Variants in SETBP1 observed in about 807,000 individuals in gnomAD.
SETBP1 encodes the protein SET binding protein 1.
A neutral mutation model predicts 101.0 loss-of-function variants in SETBP1; 9 were observed. That is an observed-to-expected ratio of 0.09 (90% confidence interval 0.05 to 0.16). The LOEUF is 0.16. Among genes scored for constraint, SETBP1 ranks in the 10% least tolerant of loss-of-function variants. The probability of loss-of-function intolerance (pLI) is 1.00; values close to 1 mark genes in which losing one functional copy is unlikely to be tolerated. For missense variants in SETBP1, 1,858 were observed against 2,033.8 expected (o/e 0.91, Z 1.66); for synonymous variants, 818 against 788.5 (o/e 1.04, Z -0.63).
chr18:45,037,595 G>A (rs143083509), intron 4 of SETBP1, among the ~76,000 whole-genome samples: 10 of 152,150 alleles, frequency 6.6e-5, no homozygotes, highest in East Asian at 1.9e-4. Flanking sequence ...TAACTTACTC[G>A]TCATCACAGA....
intron 4 of SETBP1, among the ~76,000 whole-genome samples, chr18:45,001,971 G>C (rs866450573): frequency 9.9e-5 from 15 of 152,066 alleles, no homozygotes; most frequent in South Asian, 2.1e-4. Flanking sequence ...CATTATCCAA[G>C]GCTCCCCCAC....
chr18:45,031,297 A>C (rs1599471591), intron 4 of SETBP1, among the ~76,000 whole-genome samples: 3 of 152,278 alleles, frequency 2.0e-5, no homozygotes, highest in African/African-American at 7.2e-5. Flanking sequence ...TTTTATTTGC[A>C]ATCTTAATTT....
At chr18:44,942,451 T>C (rs970925991) in intron 3 of SETBP1, among the ~76,000 whole-genome samples, 4 of 152,186 alleles carry the variant, frequency 2.6e-5, no homozygotes, top group Non-Finnish European at 5.9e-5. Flanking sequence ...TTCTCAGGTA[T>C]CCTAACCTGC....
At position 44,705,522 on chromosome 18, in the gene SETBP1, T is replaced by C. The variant is rs146425434; in HGVS notation, c.486+3690T>C. ...GGAGGCTGGGGGGAATTAGGTGTTA[T>C]ATTATGTGCTGCTTTTTGTTGTTGT... On this transcript the variant is annotated intron_variant, in intron 2 of 5. Transcript: ENST00000649279. Among the ~76,000 whole-genome samples the C allele has an allele frequency of 3.6e-3, 552 of 152,316 alleles. 3 individuals carry two copies. The highest frequency in any genetic ancestry group is 0.013 in the African/African-American group (525 of 41,562).
chr18:45,058,797 A>G (rs930722630), intron 5 of SETBP1, among the ~76,000 whole-genome samples: 6 of 152,242 alleles, frequency 3.9e-5, no homozygotes, highest in Admixed American at 2.0e-4. Context: ...TGATGCCATC[A>G]ATGGAGATTG....
intron 2 of SETBP1, among the ~76,000 whole-genome samples, chr18:44,759,225 A>G (rs2070580972): frequency 6.6e-6 from 1 of 152,122 alleles, no homozygotes; most frequent in African/African-American, 2.4e-5. Flanking sequence ...GATTTTACCC[A>G]TAGTGGTCCA....
chr18:44,793,824 G>A lies in SETBP1; in HGVS notation c.487-75406G>A, dbSNP rs866275142. On this transcript the variant is annotated intron_variant, in intron 2 of 5. Coordinates refer to ENST00000649279, the MANE Select transcript of SETBP1 (RefSeq NM_015559.3). Reference sequence around the variant, plus strand: ...ATTAGGAAGATGTTTAGGATTCATGGCATGTCATTCCAGTCTCTCTTTCTC... The same window carrying A: ...ATTAGGAAGATGTTTAGGATTCATGACATGTCATTCCAGTCTCTCTTTCTC... 4.4e-4 allele frequency among the ~76,000 whole-genome samples: 67 copies of A among 152,158 alleles called. 1 individual carries two copies. Among genetic ancestry groups the A allele is most frequent in the African/African-American group, 1.5e-3 (64 of 41,444 alleles).
At position 44,704,024 on chromosome 18, in the gene SETBP1, C is replaced by G. The variant is rs577314503; in HGVS notation, c.486+2192C>G. Among the ~76,000 whole-genome samples, 6 of 152,318 alleles carry G rather than the reference C, an allele frequency of 3.9e-5. No homozygotes were observed. The South Asian group carries it at 8.3e-4, about 21-fold the overall frequency. On this transcript the variant is annotated intron_variant, in intron 2 of 5. Coordinates refer to ENST00000649279, the MANE Select transcript of SETBP1 (RefSeq NM_015559.3). ...ATCACCTTCACTGCCAGGATTTAAG[C>G]AGCAACCCACAGTTTTGGGAGTTCA...
At chr18:44,935,359 G>T (rs1226995873) in intron 3 of SETBP1, among the ~76,000 whole-genome samples, 1 of 152,176 alleles carries the variant, frequency 6.6e-6, no homozygotes, top group African/African-American at 2.4e-5. Flanking sequence ...GAAACATGCG[G>T]TAAAGAGGAA....
chr18:44,708,466 C>G (rs565665126), intron 2 of SETBP1, among the ~76,000 whole-genome samples: 14 of 152,216 alleles, frequency 9.2e-5, no homozygotes, highest in African/African-American at 3.4e-4. Context: ...TTTTAAGTAC[C>G]ACATTTCTAT....
At chr18:44,811,539 A>G (rs1454740868) in intron 2 of SETBP1, among the ~76,000 whole-genome samples, 1 of 152,270 alleles carries the variant, frequency 6.6e-6, no homozygotes, top group Non-Finnish European at 1.5e-5. Flanking sequence ...CTGTGCAGTC[A>G]TATGACTCTG....
intron 5 of SETBP1, among the ~76,000 whole-genome samples, chr18:45,058,945 G>A (rs1041353577): frequency 1.3e-5 from 2 of 152,152 alleles, no homozygotes; most frequent in Non-Finnish European, 2.9e-5. Context: ...TGACCTTCAC[G>A]GGGAACATCT....
chr18:44,960,076 T>C (rs754368680), intron 4 of SETBP1, among the ~76,000 whole-genome samples: 5 of 152,118 alleles, frequency 3.3e-5, no homozygotes, highest in Non-Finnish European at 7.4e-5. Context: ...TTTGTATTTT[T>C]AGTAGAGACA....
chr18:44,802,407 G>A (rs1047006270), intron 2 of SETBP1, among the ~76,000 whole-genome samples: 23 of 152,142 alleles, frequency 1.5e-4, no homozygotes, highest in East Asian at 1.9e-4. Context: ...TTAGCTTTGC[G>A]AAAGTGTCTG....
At chr18:44,823,348 C>T (rs1267550681) in intron 2 of SETBP1, among the ~76,000 whole-genome samples, 4 of 152,164 alleles carry the variant, frequency 2.6e-5, no homozygotes, top group Non-Finnish European at 5.9e-5. Context: ...ATGCTTTCAT[C>T]CATCTGAAGG....
At position 44,951,128 on chromosome 18, in the gene SETBP1, C is replaced by T. The variant is rs749719958; in HGVS notation, c.1788C>T (p.Leu596=). Residue 596 remains leucine, a synonymous_variant, in exon 4 of 6, where the codon CTC becomes CTT. Coordinates refer to ENST00000649279, the MANE Select transcript of SETBP1 (RefSeq NM_015559.3). The surrounding 1 kb of genome is among the most constrained non-coding windows in gnomAD (Gnocchi z 7.8). ...GACGACCAAAGAAGCAGCCTTTGCTCACAGTCGAGACGATTCATGAGGGAA... is the reference window on the plus strand; with the variant it reads ...GACGACCAAAGAAGCAGCCTTTGCTTACAGTCGAGACGATTCATGAGGGAA... ...KRGRPKKQPL[L]TVETIHEGTS... The T allele has an allele frequency of 1.5e-5, 25 of 1,614,082 alleles. No individual in the cohort carries two copies. The highest frequency in any genetic ancestry group is 2.2e-5 in the South Asian group (2 of 91,068).
At chr18:44,755,463 T>C (rs1274503570) in intron 2 of SETBP1, among the ~76,000 whole-genome samples, 3 of 151,140 alleles carry the variant, frequency 2.0e-5, no homozygotes, top group African/African-American at 4.9e-5. Flanking sequence ...TTGTTTTCTC[T>C]CTTCGCAGTG....
intron 3 of SETBP1, among the ~76,000 whole-genome samples, chr18:44,899,045 T>C (rs1179176664): frequency 2.6e-5 from 4 of 152,192 alleles, no homozygotes; most frequent in African/African-American, 9.7e-5. Flanking sequence ...TGGGTTCTAG[T>C]CTGGGGTCCT....
intron 2 of SETBP1, among the ~76,000 whole-genome samples, chr18:44,775,411 C>T (rs2070976940): frequency 1.3e-5 from 2 of 152,288 alleles, no homozygotes; most frequent in Middle Eastern, 3.4e-3. Context: ...AGGGAAGTAA[C>T]ATAAGGTTTA....
Sources: allele counts gnomAD v4.1 joint callset (sites outside exome capture counted in the v4.1 genomes callset), GRCh38; gene constraint gnomAD v4.1.1; non-coding constraint Gnocchi (gnomAD v3.1); transcripts MANE v1.5; gene names NCBI Gene and HGNC (gene_info 2026-07-23, HGNC 2026-07-21).